KCNH8: variants seen among roughly 807,000 people sequenced by gnomAD.
KCNH8 encodes potassium voltage-gated channel subfamily H member 8.
In KCNH8, 70 loss-of-function variants were observed where a neutral mutation model predicts 103.6. That is an observed-to-expected ratio of 0.68 (90% CI 0.56 to 0.82). The LOEUF (loss-of-function observed/expected upper bound fraction) is 0.82, where lower values mean the gene tolerates loss of function less well. KCNH8 is among the 40% of genes least tolerant of loss of function. The probability of loss-of-function intolerance (pLI) is 0.00; values close to 1 mark genes in which losing one functional copy is unlikely to be tolerated. For missense variants in KCNH8, 1,217 were observed against 1,329.9 expected (o/e 0.92, Z 1.32); for synonymous variants, 498 against 489.4 (o/e 1.02, Z -0.23).
rs540575102 is a variant in KCNH8 at position 19,492,817 on chromosome 3, T to C, written c.2041-17546T>C. On this transcript the variant is annotated intron_variant, in intron 11 of 15. Transcript: ENST00000328405. The stretch of plus-strand genomic sequence containing the variant: ...CACTGATTCTTCTAGTCCTTGAGCA[T>C]GGAATGTTTTTTCGTGTGTGTGTGT... 2.7e-5 allele frequency among the ~76,000 whole-genome samples: 4 copies of C among 150,026 alleles called. No individual in the cohort carries two copies. The East Asian group carries it at 7.8e-4, about 29-fold the overall frequency.
intron 14 of KCNH8, among the ~76,000 whole-genome samples, chr3:19,516,336 T>C (rs1332563567): frequency 1.3e-5 from 2 of 152,092 alleles, no homozygotes; most frequent in Non-Finnish European, 2.9e-5. Flanking sequence ...AATCAGTAAT[T>C]CTTTCCAGCA....
intron 8 of KCNH8, among the ~76,000 whole-genome samples, chr3:19,439,342 G>A (rs1302851370): frequency 6.6e-6 from 1 of 152,084 alleles, no homozygotes; most frequent in Non-Finnish European, 1.5e-5. Flanking sequence ...AAGCCAGTAA[G>A]TTCAATATTC....
At chr3:19,492,876 TGTGTGTGTG>T (rs1488075347) in intron 11 of KCNH8, among the ~76,000 whole-genome samples, 4 of 135,286 alleles carry the variant, frequency 3.0e-5, no homozygotes, top group Non-Finnish European at 4.8e-5. Context: ...TGTGTGTGTG[TGTGTGTGTG>T]ATTTCTGACT....
chr3:19,268,385 C>A (rs189990323), intron 2 of KCNH8, among the ~76,000 whole-genome samples: 1 of 151,954 alleles, frequency 6.6e-6, no homozygotes, highest in South Asian at 2.1e-4. Context: ...AAGAGAGCCA[C>A]GTATGCAAAG....
chr3:19,210,146 C>T (rs778277059), intron 1 of KCNH8, among the ~76,000 whole-genome samples: 4 of 151,940 alleles, frequency 2.6e-5, no homozygotes, highest in African/African-American at 4.8e-5. Flanking sequence ...ATTTATTTCT[C>T]GGAAAGCCAT....
At chr3:19,227,782 C>T (rs1409205390) in intron 1 of KCNH8, among the ~76,000 whole-genome samples, 2 of 152,164 alleles carry the variant, frequency 1.3e-5, no homozygotes, top group African/African-American at 2.4e-5. Flanking sequence ...TGAGCGGCAA[C>T]AAGGGTCAAA....
intron 1 of KCNH8, among the ~76,000 whole-genome samples, chr3:19,194,013 A>G (rs2063577693): frequency 1.3e-5 from 2 of 151,738 alleles, no homozygotes; most frequent in South Asian, 4.1e-4. Context: ...GCATATTTGG[A>G]AAGGAAAAGA....
intron 4 of KCNH8, 29 bp downstream of exon 4, chr3:19,342,743 G>A (rs774708249): frequency 6.4e-7 from 1 of 1,572,672 alleles, no homozygotes; most frequent in South Asian, 1.1e-5. Context: ...CAGGATGAAT[G>A]CTAGTGTTTC....
chr3:19,302,230 A>G (rs1315791994), intron 3 of KCNH8, among the ~76,000 whole-genome samples: 1 of 152,148 alleles, frequency 6.6e-6, no homozygotes, highest in African/African-American at 2.4e-5. Flanking sequence ...TAGCATAAAT[A>G]TAAATATGAT....
At chr3:19,179,700 G>A (rs143803413) in intron 1 of KCNH8, among the ~76,000 whole-genome samples, 359 of 152,232 alleles carry the variant, frequency 2.4e-3, no homozygotes, top group Non-Finnish European at 4.1e-3. Flanking sequence ...AAGTAAAGTC[G>A]TAGGGGAAAC....
At chr3:19,464,232 C>A (rs1285264260) in intron 11 of KCNH8, among the ~76,000 whole-genome samples, 3 of 151,986 alleles carry the variant, frequency 2.0e-5, no homozygotes, top group Non-Finnish European at 4.4e-5. Flanking sequence ...CACAAACAGG[C>A]CCACACTTTA....
At chr3:19,518,518 T>C (rs2068914414) in intron 15 of KCNH8, among the ~76,000 whole-genome samples, 1 of 152,006 alleles carries the variant, frequency 6.6e-6, no homozygotes, top group Admixed American at 6.6e-5. Flanking sequence ...CTCTGACTTG[T>C]ATTTGCTTGT....
rs756065610 is a variant in KCNH8 at position 19,281,324 on chromosome 3, A to C, written c.437A>C (p.Lys146Thr). The change falls in exon 3 of 16, where the codon AAA (lysine) becomes ACA (threonine). Residue 146 changes from lysine to threonine, a missense_variant. Physicochemically the swap from Lys to Thr is moderately conservative, Grantham distance 78. Coordinates refer to ENST00000328405, the MANE Select transcript of KCNH8 (RefSeq NM_144633.3). ...TKVKITPEDKKEDKVKGRSRA... is the reference protein window; with the variant it reads ...TKVKITPEDKTEDKVKGRSRA... Reference sequence around the variant, plus strand: ...GTGAAGATTACTCCAGAAGATAAAAAAGAAGGTTTGTACCGTTTTCAGAAA... The same window carrying C: ...GTGAAGATTACTCCAGAAGATAAAACAGAAGGTTTGTACCGTTTTCAGAAA... The C allele has an allele frequency of 3.8e-6, 6 of 1,599,982 alleles. No individual in the cohort carries two copies. Among genetic ancestry groups the C allele is most frequent in the Non-Finnish European group, 5.1e-6 (6 of 1,175,222 alleles).
chr3:19,476,100 A>G (rs548173613), intron 11 of KCNH8, among the ~76,000 whole-genome samples: 2 of 152,320 alleles, frequency 1.3e-5, no homozygotes, highest in East Asian at 3.9e-4. Flanking sequence ...TTCTTTAAGT[A>G]AAACAATTAT....
chr3:19,340,847 G>A (rs1383120642), intron 3 of KCNH8, among the ~76,000 whole-genome samples: 1 of 152,116 alleles, frequency 6.6e-6, no homozygotes, highest in Non-Finnish European at 1.5e-5. Context: ...TTGCCTTCTT[G>A]GAGGAAATAA....
chr3:19,387,026 A>T (rs1267559554), intron 5 of KCNH8, among the ~76,000 whole-genome samples: 1 of 152,140 alleles, frequency 6.6e-6, no homozygotes, highest in Non-Finnish European at 1.5e-5. Context: ...CTTAAATGGA[A>T]GGAAATATTT....
At chr3:19,348,312 T>C (rs1183641713) in intron 5 of KCNH8, among the ~76,000 whole-genome samples, 1 of 152,102 alleles carries the variant, frequency 6.6e-6, no homozygotes, top group East Asian at 1.9e-4. Context: ...AACCCACCAG[T>C]GGTGTTGTGA....
In KCNH8 at chr3:19,520,090, T is replaced by A. The variant is rs1246150489; in HGVS notation, c.2619+2016T>A. On this transcript the variant is annotated intron_variant, in intron 15 of 15. Coordinates refer to ENST00000328405, the MANE Select transcript of KCNH8 (RefSeq NM_144633.3). ...ATTCACGATTTCTTTTCTTTTTTTT[T>A]AAATTATACTTTAAGTTCTGTGGTA... Among the ~76,000 whole-genome samples, 7 of 151,818 alleles carry A rather than the reference T, an allele frequency of 4.6e-5. No homozygotes were observed. The East Asian group carries it at 5.8e-4, about 13-fold the overall frequency.
chr3:19,219,816 C>A (rs2063854633), intron 1 of KCNH8, among the ~76,000 whole-genome samples: 1 of 152,132 alleles, frequency 6.6e-6, no homozygotes, highest in African/African-American at 2.4e-5. Flanking sequence ...TGCGGAGAAG[C>A]AATCACTGAG....
Sources: allele counts gnomAD v4.1 joint callset (sites outside exome capture counted in the v4.1 genomes callset), GRCh38; gene constraint gnomAD v4.1.1; transcripts MANE v1.5; gene names NCBI Gene and HGNC (gene_info 2026-07-23, HGNC 2026-07-21).